EPHA3: variants seen among roughly 807,000 people sequenced by gnomAD.
EPHA3 encodes ephrin type-A receptor 3.
EPHA3 carries 42 observed loss-of-function variants against 107.1 expected under a neutral mutation model. That is an observed-to-expected ratio of 0.39 (90% CI 0.31 to 0.51). The LOEUF is 0.51. Among genes scored for constraint, EPHA3 ranks in the 20% least tolerant of loss-of-function variants. EPHA3 has a pLI of 0.78. For synonymous variants in EPHA3, 461 were observed against 424.8 expected (o/e 1.09, Z -1.05); for missense variants, 1,183 against 1,211.2 (o/e 0.98, Z 0.35).
intron 15 of EPHA3, among the ~76,000 whole-genome samples, chr3:89,456,299 A>T (rs994094229): frequency 6.6e-6 from 1 of 152,198 alleles, no homozygotes; most frequent in Non-Finnish European, 1.5e-5. Context: ...CAAGTTTCTG[A>T]ATGGTGTAGT....
chr3:89,163,965 A>G (rs1363080800), intron 2 of EPHA3, among the ~76,000 whole-genome samples: 1 of 152,180 alleles, frequency 6.6e-6, no homozygotes, highest in Non-Finnish European at 1.5e-5. Context: ...GTTTTTTTGT[A>G]TAGAGAAGTC....
At chr3:89,194,664 C>A (rs1705794714) in intron 2 of EPHA3, among the ~76,000 whole-genome samples, 1 of 152,048 alleles carries the variant, frequency 6.6e-6, no homozygotes. Context: ...AAAACCTCTG[C>A]TAACAAAAAT....
chr3:89,239,288 G>A (rs1348376399), intron 3 of EPHA3, among the ~76,000 whole-genome samples: 4 of 152,158 alleles, frequency 2.6e-5, no homozygotes, highest in African/African-American at 9.7e-5. Context: ...TAAATAAAAT[G>A]AGGATAAAGC....
intron 3 of EPHA3, among the ~76,000 whole-genome samples, chr3:89,305,816 T>G (rs760148888): frequency 6.6e-6 from 1 of 152,192 alleles, no homozygotes; most frequent in Non-Finnish European, 1.5e-5. Flanking sequence ...GAATAAAATT[T>G]TGTGTTAATC....
intron 16 of EPHA3, among the ~76,000 whole-genome samples, chr3:89,475,294 G>A (rs1182407339): frequency 2.0e-5 from 3 of 152,128 alleles, no homozygotes; most frequent in Admixed American, 6.5e-5. Context: ...CTTTCAGTCT[G>A]TATTTTCTTT....
At chr3:89,450,437 A>T (rs1576385000) in intron 15 of EPHA3, 67 bp downstream of exon 15, 11 of 1,508,138 alleles carry the variant, frequency 7.3e-6, no homozygotes, top group Non-Finnish European at 9.0e-6. Flanking sequence ...CAAGATGTTA[A>T]TTTTTTTAGC....
At chr3:89,107,922 G>C (rs1454272760) in intron 1 of EPHA3, 86 bp downstream of exon 1, 4 of 1,333,394 alleles carry the variant, frequency 3.0e-6, no homozygotes, top group Admixed American at 1.7e-5. Context: ...CTTGCACGTC[G>C]GGAAGGTGCC....
intron 3 of EPHA3, among the ~76,000 whole-genome samples, chr3:89,338,779 C>G (rs1275442405): frequency 6.6e-6 from 1 of 152,156 alleles, no homozygotes; most frequent in Non-Finnish European, 1.5e-5. Flanking sequence ...GATCTCCTGA[C>G]TTTTATGGTT....
At chr3:89,416,520 C>T (rs1709250852) in intron 10 of EPHA3, among the ~76,000 whole-genome samples, 1 of 151,196 alleles carries the variant, frequency 6.6e-6, no homozygotes, top group Non-Finnish European at 1.5e-5. Context: ...CCATAAAGTT[C>T]AGCTATTTAA....
intron 13 of EPHA3, among the ~76,000 whole-genome samples, chr3:89,437,524 T>C (rs982004348): frequency 2.6e-5 from 4 of 152,216 alleles, no homozygotes; most frequent in African/African-American, 7.2e-5. Flanking sequence ...TGCCCTGGTC[T>C]ACTAATTTAC....
At chr3:89,238,839 A>C (rs1409175971) in intron 3 of EPHA3, among the ~76,000 whole-genome samples, 1 of 152,216 alleles carries the variant, frequency 6.6e-6, no homozygotes, top group Non-Finnish European at 1.5e-5. Context: ...AGTGTTTATA[A>C]TAAACTATAC....
intron 15 of EPHA3, among the ~76,000 whole-genome samples, chr3:89,457,561 C>T (rs913789384): frequency 1.1e-4 from 17 of 152,154 alleles, no homozygotes; most frequent in African/African-American, 1.9e-4. Flanking sequence ...CACCCCCATT[C>T]GTGGAAAAAT....
chr3:89,380,128 CTA>C (rs971514632), intron 5 of EPHA3, among the ~76,000 whole-genome samples: 13 of 152,048 alleles, frequency 8.5e-5, no homozygotes, highest in African/African-American at 3.1e-4. Context: ...ATGCATACGT[CTA>C]TGTTGTCCAC....
At chr3:89,380,874 T>C (rs1280522338) in intron 5 of EPHA3, among the ~76,000 whole-genome samples, 2 of 151,648 alleles carry the variant, frequency 1.3e-5, no homozygotes, top group African/African-American at 2.4e-5. Context: ...GTTCAAGCAA[T>C]TCGCCTGCCT....
Position 89,219,703 on chromosome 3 carries a change from G to GTTTTTTTT in EPHA3, c.814+9189_814+9190insTTTTTTTT, listed in dbSNP as rs796857390. On this transcript the variant is annotated intron_variant, in intron 3 of 16. Transcript: ENST00000336596. ...ATTTGGCAATGTTTTTTTTTTTTTT[G>GTTTTTTTT]TTTTTTGTTTTTTTTTTTTTTTTGA... 1.0e-3 allele frequency among the ~76,000 whole-genome samples: 27 copies of GTTTTTTTT among 26,232 alleles called. 3 individuals carry two copies. The highest frequency in any genetic ancestry group is 2.8e-3 in the East Asian group (3 of 1,086). 17.2% of individuals were successfully genotyped at this position (26,232 alleles called of 152,430 possible). A position where few individuals can be genotyped will look rare whatever the true frequency, so the allele number is the denominator to read the frequency against.
intron 3 of EPHA3, among the ~76,000 whole-genome samples, chr3:89,258,791 T>C (rs553017142): frequency 2.0e-5 from 3 of 152,184 alleles, no homozygotes; most frequent in Non-Finnish European, 2.9e-5. Context: ...CTAAAACCAA[T>C]GACAGGTGGT....
intron 3 of EPHA3, among the ~76,000 whole-genome samples, chr3:89,254,686 T>C (rs1705240168): frequency 6.6e-6 from 1 of 152,222 alleles, no homozygotes; most frequent in African/African-American, 2.4e-5. Flanking sequence ...CCTATCTATA[T>C]GAATAAAGCA....
In EPHA3 at chr3:89,415,223, T is replaced by A. The variant is rs537442039; in HGVS notation, c.1888+1957T>A. Among the ~76,000 whole-genome samples the A allele has an allele frequency of 2.0e-3, 309 of 151,328 alleles. 1 individual carries two copies. In the South Asian group the frequency reaches 0.024, roughly 12 times the overall value. On this transcript the variant is annotated intron_variant, in intron 10 of 16. Coordinates refer to ENST00000336596, the MANE Select transcript of EPHA3 (RefSeq NM_005233.6). ...ATATGTACACAAATAAATTAAATAG[T>A]GTAATAATAAATAAACCTGTATGTT... is the stretch of plus-strand genomic sequence containing the variant.
intron 3 of EPHA3, among the ~76,000 whole-genome samples, chr3:89,234,526 A>T (rs1314408759): frequency 6.6e-6 from 1 of 152,190 alleles, no homozygotes; most frequent in Non-Finnish European, 1.5e-5. Context: ...ATCCACATGG[A>T]CCAATCAAAT....
Sources: gnomAD v4.1 joint callset for allele counts (sites outside exome capture counted in the v4.1 genomes callset) on GRCh38, gnomAD v4.1.1 for gene constraint, MANE v1.5 for transcripts, NCBI Gene and HGNC (gene_info 2026-07-23, HGNC 2026-07-21) for gene names.